The following LARP4B variants were observed in gnomAD, a reference collection of about 807,000 sequenced individuals.
LARP4B encodes la-related protein 4B.
A neutral mutation model predicts 89.8 loss-of-function variants in LARP4B; 12 were observed. The observed-to-expected ratio is 0.13, with a 90% CI of 0.09 to 0.22. LARP4B has a LOEUF of 0.22. Ranked by LOEUF, LARP4B falls within the 10% of genes least tolerant of loss-of-function variation. The probability of loss-of-function intolerance (pLI) is 1.00; values close to 1 mark genes in which losing one functional copy is unlikely to be tolerated. For missense variants in LARP4B, 757 were observed against 947.7 expected, an observed-to-expected ratio of 0.80 and a Z score of 2.64; for synonymous variants, 367 against 363.3, an observed-to-expected ratio of 1.01 and a Z score of -0.12.
At position 812,983 on chromosome 10, in the gene LARP4B, C is replaced by T. The variant is rs772948662; in HGVS notation, c.2160G>A (p.Ser720=). 5.0e-5 allele frequency: 79 copies of T among 1,579,816 alleles called. No individual in the cohort carries two copies. Among genetic ancestry groups the T allele is most frequent in the East Asian group, 3.1e-4 (14 of 44,748 alleles). ...CTCGGCTGAGACGCTTCCCCATGGC[C>T]GAGGGCGAGGGCCGGCCCCCCGCCG... ...RRPAGGRPSP[S]AMGKRLSREQ... Residue 720 remains serine (S), a synonymous_variant, in exon 18 of 18, where the codon TCG becomes TCA. Coordinates refer to ENST00000316157, the MANE Select transcript of LARP4B (RefSeq NM_015155.3).
the LARP4B span, among the ~76,000 whole-genome samples, chr10:976,586 G>C: frequency 6.8e-6 from 1 of 148,068 alleles, no homozygotes; most frequent in Non-Finnish European, 1.5e-5. Flanking sequence ...TAGAAGGTAG[G>C]CCTGCCGTGT....
the LARP4B span, among the ~76,000 whole-genome samples, chr10:973,850 GGAGT>G: frequency 6.6e-6 from 1 of 152,132 alleles, no homozygotes; most frequent in African/African-American, 2.4e-5. Context: ...GTGATACCGT[GGAGT>G]GAGAAAAGTG....
intron 8 of LARP4B, among the ~76,000 whole-genome samples, chr10:832,727 C>T (rs1407833557): frequency 6.6e-6 from 1 of 151,938 alleles, no homozygotes; most frequent in Non-Finnish European, 1.5e-5. Context: ...GCAAAAATAC[C>T]TTTCATAAAT....
chr10:957,227 A>G, the LARP4B span, among the ~76,000 whole-genome samples: 2 of 151,852 alleles, frequency 1.3e-5, no homozygotes, highest in Non-Finnish European at 2.9e-5. Context: ...CAGTGGCACA[A>G]TCTCAGCTCA....
At chr10:869,475 C>T (rs1428099946) in intron 3 of LARP4B, among the ~76,000 whole-genome samples, 1 of 152,232 alleles carries the variant, frequency 6.6e-6, no homozygotes, top group East Asian at 1.9e-4. Context: ...GTACACCAAA[C>T]AAGAATTCAT....
the LARP4B span, among the ~76,000 whole-genome samples, chr10:969,047 C>T: frequency 6.6e-5 from 10 of 152,176 alleles, no homozygotes; most frequent in Non-Finnish European, 1.0e-4. Flanking sequence ...TTAAGAGAGA[C>T]TTGGGCAGAC....
At chr10:891,577 G>A (rs964793023) in intron 1 of LARP4B, among the ~76,000 whole-genome samples, 4 of 152,194 alleles carry the variant, frequency 2.6e-5, no homozygotes, top group African/African-American at 7.2e-5. Context: ...GAGGTTCATC[G>A]TTATTCTTCC....
At chr10:889,352 A>G (rs1346469250) in intron 1 of LARP4B, among the ~76,000 whole-genome samples, 2 of 152,158 alleles carry the variant, frequency 1.3e-5, no homozygotes, top group Non-Finnish European at 2.9e-5. Flanking sequence ...AGAGGACACC[A>G]TCCCATCACA....
chr10:837,884 A>C (rs1833308614), intron 7 of LARP4B, among the ~76,000 whole-genome samples: 2 of 152,374 alleles, frequency 1.3e-5, no homozygotes, highest in South Asian at 2.1e-4. Flanking sequence ...AAAAATTTAC[A>C]AATTGGACTA....
chr10:901,190 C>T (rs1370157751), intron 1 of LARP4B, among the ~76,000 whole-genome samples: 2 of 152,154 alleles, frequency 1.3e-5, no homozygotes, highest in African/African-American at 4.8e-5. Context: ...GCTGGGATTA[C>T]AGGAGTGAGC....
chr10:859,074 T>C (rs779200906), intron 5 of LARP4B, among the ~76,000 whole-genome samples: 1 of 151,438 alleles, frequency 6.6e-6, no homozygotes, highest in Admixed American at 6.6e-5. Flanking sequence ...AGGTCAGGAG[T>C]TTGAGACCAG....
intron 1 of LARP4B, among the ~76,000 whole-genome samples, chr10:928,598 G>A (rs936092669): frequency 2.0e-5 from 3 of 151,996 alleles, no homozygotes; most frequent in South Asian, 2.1e-4. Context: ...TTTGGGGGTG[G>A]GGGGAGACAA....
chr10:941,763 T>C, the LARP4B span, among the ~76,000 whole-genome samples: 1 of 152,066 alleles, frequency 6.6e-6, no homozygotes, highest in Non-Finnish European at 1.5e-5. Flanking sequence ...TTTTGTCTTT[T>C]TTTGTTTGTT....
intron 1 of LARP4B, among the ~76,000 whole-genome samples, chr10:902,994 C>A (rs1298484202): frequency 6.6e-6 from 1 of 152,196 alleles, no homozygotes; most frequent in Non-Finnish European, 1.5e-5. Flanking sequence ...AGCTAGTTGT[C>A]TCTTTTGTCT....
intron 1 of LARP4B, among the ~76,000 whole-genome samples, chr10:912,585 T>C (rs993724980): frequency 1.3e-5 from 2 of 151,808 alleles, no homozygotes; most frequent in South Asian, 2.1e-4. Flanking sequence ...TATATGACGT[T>C]CTATGGCCGA....
chr10:974,685 T>C, the LARP4B span, among the ~76,000 whole-genome samples: 7 of 152,200 alleles, frequency 4.6e-5, no homozygotes, highest in Non-Finnish European at 7.3e-5. Flanking sequence ...CCTCGCCCAT[T>C]AGGCCAGACT....
Position 864,238 on chromosome 10 carries a change from A to G in LARP4B, c.174T>C (p.Pro58=). The G allele has an allele frequency of 1.2e-6, 2 of 1,614,208 alleles. No homozygotes were observed. Among genetic ancestry groups the G allele is most frequent in the Non-Finnish European group, 1.7e-6 (2 of 1,180,032 alleles). The change falls in exon 4 of 18, where the codon CCT becomes CCC. Residue 58 remains proline, a synonymous_variant. Transcript: ENST00000316157. The part of the protein sequence containing the change: ...VPATKVSELN[P]NAEVWGAPVL... ...CAGGAGCCCCCCACACTTCTGCATT[A>G]GGGTTCAGCTCTGAAACCTTAGTTG...
chr10:954,699 C>T, the LARP4B span, among the ~76,000 whole-genome samples: 7 of 152,246 alleles, frequency 4.6e-5, no homozygotes, highest in Middle Eastern at 3.4e-3. The surrounding 1 kb of genome is among the most constrained non-coding windows in gnomAD (Gnocchi z 5.0). Flanking sequence ...CGGGCGCATT[C>T]GCTCACTGCT....
the LARP4B span, chr10:942,553 G>C: frequency 6.6e-6 from 1 of 152,184 alleles, no homozygotes; most frequent in Non-Finnish European, 1.5e-5. Context: ...CCTCTGCAAA[G>C]TGTACCACAC....
Sources: allele counts gnomAD v4.1 joint callset (sites outside exome capture counted in the v4.1 genomes callset), GRCh38; gene constraint gnomAD v4.1.1; non-coding constraint Gnocchi (gnomAD v3.1); transcripts MANE v1.5; gene names NCBI Gene and HGNC (gene_info 2026-07-23, HGNC 2026-07-21).